GARNL3: variants seen among roughly 807,000 people sequenced by gnomAD.
The protein encoded by GARNL3 is GTPase activating Rap/RanGAP domain like 3.
In GARNL3, 63 loss-of-function variants were observed where a neutral mutation model predicts 125.0. The ratio of observed to expected loss-of-function variants is 0.50; its 90% CI spans 0.41 to 0.62. GARNL3 has a LOEUF of 0.62. GARNL3 is among the 20% of genes least tolerant of loss of function. The pLI, the probability that GARNL3 is intolerant of heterozygous loss-of-function variation, is 0.00. For synonymous variants in GARNL3, 439 were observed against 457.5 expected, an observed-to-expected ratio of 0.96 and a Z score of 0.52; for missense variants, 994 against 1,244.0, an observed-to-expected ratio of 0.80 and a Z score of 3.02.
chr9:127,231,794 C>G (rs1324364317), intron 1 of GARNL3, among the ~76,000 whole-genome samples: 1 of 152,274 alleles, frequency 6.6e-6, no homozygotes, highest in South Asian at 2.1e-4. Context: ...TAATACAGTT[C>G]TCAAACAGAG....
chr9:127,305,725 A>G (rs886585030), intron 2 of GARNL3, among the ~76,000 whole-genome samples: 5 of 151,798 alleles, frequency 3.3e-5, no homozygotes, highest in Admixed American at 2.6e-4. Flanking sequence ...GGCACACACT[A>G]CCATACCTGG....
At chr9:127,275,776 A>T (rs1351982755) in intron 1 of GARNL3, among the ~76,000 whole-genome samples, 1 of 152,216 alleles carries the variant, frequency 6.6e-6, no homozygotes, top group Non-Finnish European at 1.5e-5. Context: ...GAACTATTTT[A>T]CACATGTAAT....
chr9:127,257,865 T>G (rs2063520434), intron 2 of GARNL3, among the ~76,000 whole-genome samples: 1 of 152,352 alleles, frequency 6.6e-6, no homozygotes, highest in African/African-American at 2.4e-5. Context: ...AGGAGCTCTA[T>G]AAGGTACATC....
intron 7 of GARNL3, 23 bp from the exon 8 acceptor site, chr9:127,332,251 A>G (rs1412564043): frequency 6.3e-7 from 1 of 1,582,906 alleles, no homozygotes; most frequent in Non-Finnish European, 8.7e-7. Flanking sequence ...ATTAACTGTA[A>G]CACCTTTTGT....
intron 22 of GARNL3, among the ~76,000 whole-genome samples, chr9:127,375,653 G>A (rs1437914362): frequency 1.3e-5 from 2 of 152,172 alleles, no homozygotes; most frequent in Non-Finnish European, 2.9e-5. Flanking sequence ...AAGAGGTGAA[G>A]ATCATTCCTC....
At chr9:127,382,600 A>G (rs2131814288) in intron 22 of GARNL3, among the ~76,000 whole-genome samples, 1 of 152,280 alleles carries the variant, frequency 6.6e-6, no homozygotes, top group Admixed American at 6.5e-5. Context: ...TGACAGAACA[A>G]GACTCTGTCT....
intron 1 of GARNL3, among the ~76,000 whole-genome samples, chr9:127,234,890 A>C (rs532383362): frequency 6.6e-6 from 1 of 152,318 alleles, no homozygotes; most frequent in Middle Eastern, 3.4e-3. Flanking sequence ...ATCGCCTCCC[A>C]AAGGCCCCAT....
intron 21 of GARNL3, among the ~76,000 whole-genome samples, chr9:127,361,512 C>T (rs1259702877): frequency 6.6e-6 from 1 of 152,182 alleles, no homozygotes; most frequent in Non-Finnish European, 1.5e-5. Context: ...CCCACCAGGC[C>T]CCTGTCCCAA....
intron 1 of GARNL3, among the ~76,000 whole-genome samples, chr9:127,240,411 T>A (rs1397433356): frequency 6.6e-6 from 1 of 152,126 alleles, no homozygotes; most frequent in South Asian, 2.1e-4. Flanking sequence ...AAGGATTCAC[T>A]TGGGCCTTTA....
chr9:127,265,089 C>T (rs2063674309), intron 1 of GARNL3, 68 bp downstream of exon 1: 15 of 1,394,962 alleles, frequency 1.1e-5, no homozygotes, highest in Non-Finnish European at 1.4e-5. Context: ...CCAAGCTCAT[C>T]AGATCTTTTG....
At chr9:127,294,865 G>A (rs552350616) in intron 2 of GARNL3, among the ~76,000 whole-genome samples, 24 of 152,310 alleles carry the variant, frequency 1.6e-4, no homozygotes, top group Non-Finnish European at 2.9e-4. Flanking sequence ...GGCAGGGAGA[G>A]CCATCAGTAA....
rs1302663767 is a variant in GARNL3, at chr9:127,266,835, T to G, written c.144+1814T>G. On this transcript the variant is annotated intron_variant, in intron 1 of 27. Transcript: ENST00000373387. The surrounding 1 kb of genome is among the most constrained non-coding windows in gnomAD (Gnocchi z 4.0). ...GAGCGCTTTTAAACAGTGACAACAT[T>G]ACTTGGGGGAGATAACATGGGTGTG... 6.6e-6 allele frequency among the ~76,000 whole-genome samples: 1 copy of G among 152,162 alleles called. No individual in the cohort carries two copies. The highest frequency in any genetic ancestry group is 1.5e-5 in the Non-Finnish European group (1 of 68,030).
rs563938976 is a variant in GARNL3, at chr9:127,391,121, C to T, written c.2870+354C>T. Among the ~76,000 whole-genome samples, 414 of 151,940 alleles carry T rather than the reference C, an allele frequency of 2.7e-3. 4 individuals are homozygous for T. Among genetic ancestry groups the T allele is most frequent in the African/African-American group, 9.6e-3 (399 of 41,450 alleles). On this transcript the variant is annotated intron_variant, in intron 27 of 27. Coordinates refer to ENST00000373387, the MANE Select transcript of GARNL3 (RefSeq NM_032293.5). ...CCAACACGGTGAAACCCCATCTCTA[C>T]TAAAAATACAAAAAGTAGCCGGGCG...
At chr9:127,324,214 G>A (rs1297898412) in intron 6 of GARNL3, among the ~76,000 whole-genome samples, 1 of 152,168 alleles carries the variant, frequency 6.6e-6, no homozygotes, top group African/African-American at 2.4e-5. Context: ...TCGCACCACT[G>A]TGCTCCAGCC....
At chr9:127,375,407 A>G (rs1212675030) in intron 22 of GARNL3, among the ~76,000 whole-genome samples, 2 of 151,274 alleles carry the variant, frequency 1.3e-5, no homozygotes, top group East Asian at 3.9e-4. Flanking sequence ...CAGAGGTTGC[A>G]GTGAGCCAAG....
At chr9:127,350,731 G>A (rs1013147223) in intron 17 of GARNL3, among the ~76,000 whole-genome samples, 9 of 151,514 alleles carry the variant, frequency 5.9e-5, no homozygotes, top group African/African-American at 1.2e-4. Flanking sequence ...AGCCAAGATC[G>A]CAGCACTGCA....
At chr9:127,232,039 T>G (rs895450082) in intron 1 of GARNL3, among the ~76,000 whole-genome samples, 3 of 152,208 alleles carry the variant, frequency 2.0e-5, no homozygotes, top group Admixed American at 1.3e-4. Context: ...GTTTCTTACA[T>G]CTAAGGTCCA....
intron 2 of GARNL3, among the ~76,000 whole-genome samples, chr9:127,295,825 C>G (rs1564890586): frequency 6.6e-6 from 1 of 152,052 alleles, no homozygotes; most frequent in Non-Finnish European, 1.5e-5. Flanking sequence ...TTTCCACGGA[C>G]CAGGCAGTGG....
Position 127,349,071 on chromosome 9 carries a change from A to G in GARNL3, c.1543+36A>G, listed in dbSNP as rs757132908. On this transcript the variant is annotated intron_variant, in intron 17 of 27. Coordinates refer to ENST00000373387, the MANE Select transcript of GARNL3 (RefSeq NM_032293.5). ...AGCTGCTCCTACAAATGTCTTTTTC[A>G]TGTAACTTGTAGTACTTCTAAGATG... The G allele has an allele frequency of 3.5e-6, 5 of 1,429,278 alleles. No individual in the cohort carries two copies. The South Asian group carries it at 4.6e-5, about 13-fold the overall frequency. The allele number at this position is 1,429,278 out of a possible 1,614,324, so 88.5% of individuals were successfully genotyped here.
Sources: allele counts gnomAD v4.1 joint callset (sites outside exome capture counted in the v4.1 genomes callset), GRCh38; gene constraint gnomAD v4.1.1; non-coding constraint Gnocchi (gnomAD v3.1); transcripts MANE v1.5; gene names NCBI Gene and HGNC (gene_info 2026-07-23, HGNC 2026-07-21).